CATSPERB: variants seen among roughly 807,000 people sequenced by gnomAD.
CATSPERB encodes catsper channel auxiliary subunit beta.
CATSPERB carries 93 observed loss-of-function variants against 128.3 expected under a neutral mutation model. The ratio of observed to expected loss-of-function variants is 0.72; its 90% CI spans 0.61 to 0.86. The LOEUF (loss-of-function observed/expected upper bound fraction) is 0.86, where lower values mean the gene tolerates loss of function less well. CATSPERB is among the 40% of genes least tolerant of loss of function. The probability of loss-of-function intolerance (pLI) is 0.00; values close to 1 mark genes in which losing one functional copy is unlikely to be tolerated. For synonymous variants in CATSPERB, 381 were observed against 448.8 expected, an observed-to-expected ratio of 0.85 and a Z score of 1.91; for missense variants, 1,153 against 1,329.5, an observed-to-expected ratio of 0.87 and a Z score of 2.06.
intron 8 of CATSPERB, 48 bp from the exon 9 acceptor site, chr14:91,693,292 G>A: frequency 8.4e-6 from 13 of 1,546,198 alleles, no homozygotes; most frequent in Non-Finnish European, 1.2e-5. Flanking sequence ...AAAAAAGTGA[G>A]TTCCTTACTG....
At chr14:91,615,279 G>A (rs1262894781) in intron 20 of CATSPERB, among the ~76,000 whole-genome samples, 1 of 152,162 alleles carries the variant, frequency 6.6e-6, no homozygotes, top group Non-Finnish European at 1.5e-5. Flanking sequence ...AACTGCACAT[G>A]CGAGGGATCC....
chr14:91,697,010 G>A (rs897552581), intron 7 of CATSPERB, among the ~76,000 whole-genome samples: 1 of 152,154 alleles, frequency 6.6e-6, no homozygotes, highest in African/African-American at 2.4e-5. Context: ...GGAGTGGAAA[G>A]AAGTGTGATA....
chr14:91,680,212 T>C (rs904556831), intron 11 of CATSPERB, among the ~76,000 whole-genome samples: 1 of 152,254 alleles, frequency 6.6e-6, no homozygotes, highest in African/African-American at 2.4e-5. Context: ...GAGGCAAGGC[T>C]TATGACCATT....
At chr14:91,596,218 T>A (rs1893502843) in intron 22 of CATSPERB, among the ~76,000 whole-genome samples, 1 of 152,138 alleles carries the variant, frequency 6.6e-6, no homozygotes. Context: ...CCCCCTTTTT[T>A]TTTGAGACAG....
At chr14:91,660,621 T>C (rs1179699263) in intron 14 of CATSPERB, among the ~76,000 whole-genome samples, 1 of 152,154 alleles carries the variant, frequency 6.6e-6, no homozygotes, top group Non-Finnish European at 1.5e-5. Context: ...TTTAATAGCC[T>C]GAGACTCATT....
At chr14:91,727,434 G>A (rs944352740) in intron 2 of CATSPERB, among the ~76,000 whole-genome samples, 6 of 152,092 alleles carry the variant, frequency 3.9e-5, no homozygotes, top group South Asian at 2.1e-4. Flanking sequence ...ATAATTGAAC[G>A]TTACTCATTC....
chr14:91,728,566 G>T (rs1896157347), intron 2 of CATSPERB, among the ~76,000 whole-genome samples: 1 of 152,022 alleles, frequency 6.6e-6, no homozygotes, highest in Non-Finnish European at 1.5e-5. Flanking sequence ...GAGAGACAGA[G>T]AAACAATTTC....
intron 17 of CATSPERB, chr14:91,636,189 C>G (rs937122794): frequency 2.3e-6 from 1 of 426,924 alleles, no homozygotes; most frequent in African/African-American, 2.0e-5. Flanking sequence ...ATGGTGAAAC[C>G]CCATCTCTAC....
At chr14:91,648,967 A>C (rs1224857318) in intron 15 of CATSPERB, among the ~76,000 whole-genome samples, 1 of 149,238 alleles carries the variant, frequency 6.7e-6, no homozygotes, top group African/African-American at 2.5e-5. Flanking sequence ...TTCACCTGGC[A>C]CTTCCCATTC....
At chr14:91,705,690 T>C (rs1895721693) in intron 6 of CATSPERB, among the ~76,000 whole-genome samples, 1 of 152,192 alleles carries the variant, frequency 6.6e-6, no homozygotes, top group South Asian at 2.1e-4. Context: ...TCTCCCTCTT[T>C]GGGAAGCCTT....
At chr14:91,670,085 G>T in intron 13 of CATSPERB, 113 bp from the exon 14 acceptor site, 1 of 904,626 alleles carries the variant, frequency 1.1e-6, no homozygotes. Flanking sequence ...ACACAACATA[G>T]AACTAGAAGG....
At chr14:91,638,247 C>T (rs1365969851) in intron 16 of CATSPERB, among the ~76,000 whole-genome samples, 1 of 152,138 alleles carries the variant, frequency 6.6e-6, no homozygotes, top group Non-Finnish European at 1.5e-5. Context: ...GCTACCTTCA[C>T]AAGCAGCATA....
chr14:91,659,913 C>G lies in CATSPERB; in HGVS notation c.1356G>C (p.Lys452Asn). 1 of 1,603,882 alleles carries G rather than the reference C, an allele frequency of 6.2e-7. No homozygotes were observed. Among genetic ancestry groups the G allele is most frequent in the Admixed American group, 1.7e-5 (1 of 57,582 alleles). Residue 452 changes from lysine (K) to asparagine (N), a missense_variant, in exon 15 of 27, where the codon AAG (lysine) becomes AAC (asparagine). Physicochemically the swap from Lys to Asn is moderately conservative, Grantham distance 94. Transcript: ENST00000256343. Reference sequence around the variant, plus strand: ...ATGTATAAAAACTATGAAAAGTCTTCTTTATGATATCATCATGAAAGTTAG... The same window carrying G: ...ATGTATAAAAACTATGAAAAGTCTTGTTTATGATATCATCATGAAAGTTAG... The part of the protein sequence containing the change: ...LIANFHDDII[K>N]KTFHSFYTSA...
chr14:91,675,726 T>C (rs996349316), intron 11 of CATSPERB, among the ~76,000 whole-genome samples: 1 of 152,154 alleles, frequency 6.6e-6, no homozygotes, highest in Non-Finnish European at 1.5e-5. Flanking sequence ...CTTTCCTTCT[T>C]TCTCTACCCT....
At chr14:91,674,092 G>A (rs977085388) in intron 12 of CATSPERB, 84 bp downstream of exon 12, 24 of 771,230 alleles carry the variant, frequency 3.1e-5, no homozygotes, top group Middle Eastern at 2.4e-4. Flanking sequence ...CTGTAGAATT[G>A]CCATTTTTTA....
chr14:91,651,152 T>A (rs372713207), intron 15 of CATSPERB, among the ~76,000 whole-genome samples: 1 of 152,214 alleles, frequency 6.6e-6, no homozygotes, highest in African/African-American at 2.4e-5. Context: ...TGACTCCTGA[T>A]TGGGCTTGGC....
chr14:91,675,415 T>C lies in CATSPERB; in HGVS notation c.932-1193A>G, dbSNP rs144060715. Among the ~76,000 whole-genome samples the C allele has an allele frequency of 1.0e-3, 155 of 152,336 alleles. 4 individuals carry two copies. In the East Asian group the frequency reaches 0.027, roughly 27 times the overall value. On this transcript the variant is annotated intron_variant, in intron 11 of 26. Coordinates refer to ENST00000256343, the MANE Select transcript of CATSPERB (RefSeq NM_024764.4). Reference sequence around the variant, plus strand: ...TGAAGAAGCTAACAGACTTCAGAACTGGATAAGTCAACTGGAATGCACCCA... The same window carrying C: ...TGAAGAAGCTAACAGACTTCAGAACCGGATAAGTCAACTGGAATGCACCCA...
intron 26 of CATSPERB, among the ~76,000 whole-genome samples, chr14:91,582,325 T>C (rs1006411388): frequency 6.6e-6 from 1 of 152,218 alleles, no homozygotes; most frequent in Non-Finnish European, 1.5e-5. Context: ...CCTTCCACAA[T>C]TGGACCCTAA....
intron 4 of CATSPERB, among the ~76,000 whole-genome samples, chr14:91,720,744 A>G (rs953136140): frequency 6.6e-6 from 1 of 152,190 alleles, no homozygotes; most frequent in South Asian, 2.1e-4. Flanking sequence ...CCTAAAATTC[A>G]TATTATTTTA....
Sources: allele counts gnomAD v4.1 joint callset (sites outside exome capture counted in the v4.1 genomes callset), GRCh38; gene constraint gnomAD v4.1.1; transcripts MANE v1.5; gene names NCBI Gene and HGNC (gene_info 2026-07-23, HGNC 2026-07-21).